The following EDNRA variants were observed in gnomAD, a reference collection of about 807,000 sequenced individuals.
The protein encoded by EDNRA is endothelin receptor type A.
EDNRA carries 11 observed loss-of-function variants against 41.4 expected under a neutral mutation model. The ratio of observed to expected loss-of-function variants is 0.27; its 90% CI spans 0.17 to 0.44. The LOEUF (loss-of-function observed/expected upper bound fraction) is 0.44. Ranked by LOEUF, EDNRA falls within the 20% of genes least tolerant of loss-of-function variation. EDNRA has a pLI of 1.00. For missense variants in EDNRA, 294 were observed against 531.0 expected, an observed-to-expected ratio of 0.55 and a Z score of 4.39; for synonymous variants, 172 against 183.0, an observed-to-expected ratio of 0.94 and a Z score of 0.49.
At chr4:147,508,875 A>G (rs770111741) in intron 2 of EDNRA, among the ~76,000 whole-genome samples, 10 of 152,198 alleles carry the variant, frequency 6.6e-5, no homozygotes, top group Non-Finnish European at 1.3e-4. Flanking sequence ...AAGTTTTTAA[A>G]TAAGTACTAT....
intron 3 of EDNRA, among the ~76,000 whole-genome samples, chr4:147,531,935 G>C (rs1038153453): frequency 2.0e-5 from 3 of 150,922 alleles, no homozygotes; most frequent in African/African-American, 7.3e-5. Context: ...GCGTGAACCT[G>C]GGAGGCGGAG....
intron 2 of EDNRA, chr4:147,488,624 C>A (rs935114332): frequency 3.3e-5 from 5 of 152,164 alleles, no homozygotes; most frequent in Non-Finnish European, 5.9e-5. Context: ...TTAGTTATTT[C>A]AATCTTTTTC....
intron 4 of EDNRA, among the ~76,000 whole-genome samples, chr4:147,534,753 T>G (rs1014864656): frequency 3.9e-4 from 59 of 152,226 alleles, no homozygotes; most frequent in African/African-American, 1.3e-3. Context: ...TAGCTGTGCT[T>G]TAATGTAATT....
At chr4:147,490,583 C>T (rs1045057941) in intron 2 of EDNRA, 22 of 152,204 alleles carry the variant, frequency 1.4e-4, no homozygotes, top group African/African-American at 5.1e-4. Context: ...AGGATATTTA[C>T]ATTTGTTAGA....
intron 2 of EDNRA, chr4:147,506,240 A>C: frequency 2.0e-6 from 1 of 512,028 alleles, no homozygotes; most frequent in Non-Finnish European, 3.9e-6. Flanking sequence ...GCCGAAAAGC[A>C]GCTTCAGTCA....
intron 2 of EDNRA, among the ~76,000 whole-genome samples, chr4:147,517,926 T>C (rs1180826725): frequency 6.6e-6 from 1 of 151,958 alleles, no homozygotes; most frequent in Non-Finnish European, 1.5e-5. Context: ...ACTGAGACCT[T>C]CACAGGATTT....
chr4:147,490,183 AC>A (rs1350749494), intron 2 of EDNRA: 1 of 137,574 alleles, frequency 7.3e-6, no homozygotes, highest in African/African-American at 3.0e-5. Flanking sequence ...ACACACACAC[AC>A]ACAACCTGAT....
chr4:147,506,238 G>A (rs1729713006), intron 2 of EDNRA: 2 of 515,328 alleles, frequency 3.9e-6, no homozygotes, highest in Admixed American at 2.0e-5. Flanking sequence ...TGGCCGAAAA[G>A]CAGCTTCAGT....
chr4:147,493,205 T>C (rs1729196699), intron 2 of EDNRA: 1 of 152,106 alleles, frequency 6.6e-6, no homozygotes, highest in Non-Finnish European at 1.5e-5. Flanking sequence ...CATAAAATAA[T>C]GATGCAGGAA....
At chr4:147,535,731 C>A in intron 4 of EDNRA, 146 bp from the exon 5 acceptor site, 1 of 977,490 alleles carries the variant, frequency 1.0e-6, no homozygotes, top group Non-Finnish European at 1.5e-6. Flanking sequence ...TTGAGCCCCA[C>A]TCCCAAACCC....
chr4:147,538,436 G>C (rs1043478126), intron 5 of EDNRA, among the ~76,000 whole-genome samples: 2 of 152,160 alleles, frequency 1.3e-5, no homozygotes. Flanking sequence ...CCAGAGTGAT[G>C]GTAAGGAAGA....
intron 2 of EDNRA, chr4:147,492,236 TG>T (rs1729161482): frequency 6.6e-6 from 1 of 152,292 alleles, no homozygotes; most frequent in African/African-American, 2.4e-5. Flanking sequence ...TCAGGCATGC[TG>T]CCATCATTCT....
intron 4 of EDNRA, among the ~76,000 whole-genome samples, chr4:147,533,005 ATGTGTG>A (rs761473339): frequency 7.3e-6 from 1 of 137,170 alleles, no homozygotes; most frequent in Non-Finnish European, 1.5e-5. Context: ...GTGTGTGTGT[ATGTGTG>A]TGTGTGTGTG....
At chr4:147,500,857 G>A (rs1396676801) in intron 2 of EDNRA, among the ~76,000 whole-genome samples, 1 of 152,160 alleles carries the variant, frequency 6.6e-6, no homozygotes, top group Non-Finnish European at 1.5e-5. Flanking sequence ...AAGGGAGGGA[G>A]CATGGACTCT....
chr4:147,485,446 C>G (rs975223187), intron 1 of EDNRA, among the ~76,000 whole-genome samples, 166 bp from the exon 2 acceptor site: 2 of 152,166 alleles, frequency 1.3e-5, no homozygotes, highest in African/African-American at 4.8e-5. Context: ...AATAGAGCTT[C>G]AGTTTTTTTC....
chr4:147,511,244 TG>T (rs1729912402), intron 2 of EDNRA, among the ~76,000 whole-genome samples: 1 of 152,202 alleles, frequency 6.6e-6, no homozygotes, highest in Non-Finnish European at 1.5e-5. Flanking sequence ...TTTCATAATA[TG>T]ATTAGTAAGC....
chr4:147,532,917 G>T (rs1354074310), intron 4 of EDNRA, among the ~76,000 whole-genome samples: 1 of 151,946 alleles, frequency 6.6e-6, no homozygotes, highest in Non-Finnish European at 1.5e-5. Context: ...TACCACAATG[G>T]TAGACATATC....
chr4:147,511,426 G>A (rs143071088), intron 2 of EDNRA, among the ~76,000 whole-genome samples: 7 of 151,746 alleles, frequency 4.6e-5, no homozygotes, highest in East Asian at 3.9e-4. Flanking sequence ...TTTTTTTCCC[G>A]AAACACACAT....
At chr4:147,508,005 A>G (rs368736270) in intron 2 of EDNRA, among the ~76,000 whole-genome samples, 3 of 152,288 alleles carry the variant, frequency 2.0e-5, no homozygotes, top group Non-Finnish European at 4.4e-5. Flanking sequence ...ATTTTATTTT[A>G]GTTATAGGAG....
Sources: allele counts gnomAD v4.1 joint callset (sites outside exome capture counted in the v4.1 genomes callset), GRCh38; gene constraint gnomAD v4.1.1; transcripts MANE v1.5; gene names NCBI Gene and HGNC (gene_info 2026-07-23, HGNC 2026-07-21).